Variants in EPHA3 observed in about 807,000 individuals in gnomAD.
The protein encoded by EPHA3 is ephrin type-A receptor 3.
A neutral mutation model predicts 107.1 loss-of-function variants in EPHA3; 42 were observed. That is an observed-to-expected ratio of 0.39 (90% CI 0.31 to 0.51). EPHA3 has a LOEUF of 0.51. Among genes scored for constraint, EPHA3 ranks in the 20% least tolerant of loss-of-function variants. EPHA3 has a pLI of 0.78. For synonymous variants in EPHA3, 461 were observed against 424.8 expected, an observed-to-expected ratio of 1.09 and a Z score of -1.05; for missense variants, 1,183 against 1,211.2, an observed-to-expected ratio of 0.98 and a Z score of 0.35.
intron 1 of EPHA3, among the ~76,000 whole-genome samples, chr3:89,126,907 T>A (rs1239524896): frequency 6.6e-6 from 1 of 151,822 alleles, no homozygotes; most frequent in Non-Finnish European, 1.5e-5. Flanking sequence ...CTATTATGCA[T>A]TTTTATTGTT....
chr3:89,431,658 A>G (rs1334318872), intron 13 of EPHA3, among the ~76,000 whole-genome samples: 2 of 152,154 alleles, frequency 1.3e-5, no homozygotes, highest in Non-Finnish European at 2.9e-5. Flanking sequence ...TCTTTTCACC[A>G]TGGTTGAGTC....
intron 5 of EPHA3, among the ~76,000 whole-genome samples, chr3:89,368,465 A>G (rs74498514): frequency 1.3e-5 from 2 of 150,440 alleles, no homozygotes; most frequent in African/African-American, 4.9e-5. Context: ...AGCTAGAGAA[A>G]TAGAAAAGAC....
At chr3:89,153,034 A>G (rs1267619577) in intron 2 of EPHA3, among the ~76,000 whole-genome samples, 1 of 152,132 alleles carries the variant, frequency 6.6e-6, no homozygotes, top group Non-Finnish European at 1.5e-5. Flanking sequence ...ATAGATTGCT[A>G]CAATAAAGCA....
intron 11 of EPHA3, among the ~76,000 whole-genome samples, chr3:89,422,642 A>G (rs1357589531): frequency 6.6e-6 from 1 of 151,416 alleles, no homozygotes; most frequent in Non-Finnish European, 1.5e-5. Context: ...GCAAATCTAA[A>G]TTACTCCTCT....
At chr3:89,158,305 A>G (rs902714722) in intron 2 of EPHA3, among the ~76,000 whole-genome samples, 3 of 152,052 alleles carry the variant, frequency 2.0e-5, no homozygotes, top group African/African-American at 7.2e-5. Context: ...CTACCACTTC[A>G]TTGAGGATTG....
At position 89,341,993 on chromosome 3, in the gene EPHA3, T is replaced by G. The variant is rs369310617; in HGVS notation, c.1209T>G (p.Thr403=). ...TVTVTDLLAH[T]NYTFEIDAVN... is the part of the protein sequence containing the mutation. The stretch of plus-strand genomic sequence containing the variant: ...CAGTGACAGACCTTCTGGCACATAC[T>G]AACTACACCTTTGAGATTGATGCCG... Residue 403 remains threonine, a synonymous_variant, in exon 5 of 17, where the codon ACT becomes ACG. Transcript: ENST00000336596. 58 of 1,613,308 alleles carry G rather than the reference T, an allele frequency of 3.6e-5. No homozygotes were observed. The highest frequency in any genetic ancestry group is 4.8e-5 in the Non-Finnish European group (57 of 1,179,914).
At chr3:89,230,456 G>T (rs181158460) in intron 3 of EPHA3, among the ~76,000 whole-genome samples, 3 of 152,244 alleles carry the variant, frequency 2.0e-5, no homozygotes, top group Admixed American at 6.6e-5. Context: ...ATTGTATGTG[G>T]AGTGAGCTGT....
chr3:89,286,705 A>G (rs1706091863), intron 3 of EPHA3, among the ~76,000 whole-genome samples: 1 of 152,162 alleles, frequency 6.6e-6, no homozygotes, highest in African/African-American at 2.4e-5. Flanking sequence ...AGGTTTTAGG[A>G]AGATAACCAA....
At chr3:89,147,807 T>C (rs559486884) in intron 2 of EPHA3, among the ~76,000 whole-genome samples, 2 of 151,846 alleles carry the variant, frequency 1.3e-5, no homozygotes, top group South Asian at 4.1e-4. Context: ...CTACTAACAA[T>C]TGAGAAAACA....
At chr3:89,449,049 G>A (rs1403810374) in intron 13 of EPHA3, among the ~76,000 whole-genome samples, 176 bp from the exon 14 acceptor site, 1 of 151,252 alleles carries the variant, frequency 6.6e-6, no homozygotes, top group East Asian at 2.0e-4. Context: ...GCTGTAAATG[G>A]TATGCTACTT....
At chr3:89,142,884 C>T (rs1704461476) in intron 2 of EPHA3, among the ~76,000 whole-genome samples, 1 of 151,232 alleles carries the variant, frequency 6.6e-6, no homozygotes, top group African/African-American at 2.4e-5. Flanking sequence ...ATGGATCCGG[C>T]ACAATGCTAA....
rs528693716 is a variant in EPHA3 at position 89,114,352 on chromosome 3, G to C, written c.88+6516G>C. On this transcript the variant is annotated intron_variant, in intron 1 of 16. Coordinates refer to ENST00000336596, the MANE Select transcript of EPHA3 (RefSeq NM_005233.6). The stretch of plus-strand genomic sequence containing the variant: ...TTGCTGCCACCACACCCACCATCAG[G>C]GTGTCTTAACCACAAACTATTCTCC... 2.6e-5 allele frequency among the ~76,000 whole-genome samples: 4 copies of C among 152,208 alleles called. No individual in the cohort carries two copies. The South Asian group carries it at 8.3e-4, about 32-fold the overall frequency.
intron 2 of EPHA3, among the ~76,000 whole-genome samples, chr3:89,155,986 A>G (rs562457713): frequency 6.6e-6 from 1 of 152,172 alleles, no homozygotes; most frequent in East Asian, 1.9e-4. Context: ...CCAAAGGAAA[A>G]GAAATAACAG....
rs957567236 is a variant in EPHA3, at chr3:89,380,474, C to T, written c.1307-15363C>T. 6.6e-5 allele frequency among the ~76,000 whole-genome samples: 10 copies of T among 152,208 alleles called. No homozygotes were observed. In the East Asian group the frequency reaches 1.4e-3, roughly 21 times the overall value. On this transcript the variant is annotated intron_variant, in intron 5 of 16. Transcript: ENST00000336596. ...CAAAAACAACAGGGTTTGTGTATGA[C>T]GCCTTTGATAACTCTGGTCTGGTGT... is the stretch of plus-strand genomic sequence containing the variant.
At chr3:89,242,285 A>G (rs1331657143) in intron 3 of EPHA3, among the ~76,000 whole-genome samples, 1 of 152,240 alleles carries the variant, frequency 6.6e-6, no homozygotes, top group Non-Finnish European at 1.5e-5. Context: ...AAAAATAATT[A>G]GCAATCATGT....
chr3:89,445,134 C>G (rs562562360), intron 13 of EPHA3, among the ~76,000 whole-genome samples: 2 of 151,992 alleles, frequency 1.3e-5, no homozygotes, highest in African/African-American at 2.4e-5. Context: ...GGCTTGGTGG[C>G]GCACACCTCT....
At chr3:89,290,149 C>T (rs924001827) in intron 3 of EPHA3, among the ~76,000 whole-genome samples, 8 of 152,084 alleles carry the variant, frequency 5.3e-5, no homozygotes, top group African/African-American at 1.9e-4. Flanking sequence ...GGTTTTATCA[C>T]CTTTTCTTCT....
chr3:89,354,109 C>A (rs1324774213), intron 5 of EPHA3, among the ~76,000 whole-genome samples: 1 of 151,180 alleles, frequency 6.6e-6, no homozygotes, highest in Non-Finnish European at 1.5e-5. Context: ...ATATTTAATT[C>A]ACAGAAAGTT....
intron 5 of EPHA3, among the ~76,000 whole-genome samples, chr3:89,394,297 C>A (rs1708805609): frequency 6.6e-6 from 1 of 152,048 alleles, no homozygotes; most frequent in South Asian, 2.1e-4. Context: ...GTAGTCTCAG[C>A]CAGTAGGATT....
Sources: gnomAD v4.1 joint callset for allele counts (sites outside exome capture counted in the v4.1 genomes callset) on GRCh38, gnomAD v4.1.1 for gene constraint, MANE v1.5 for transcripts, NCBI Gene and HGNC (gene_info 2026-07-23, HGNC 2026-07-21) for gene names.